The following CHL1 variants were observed in gnomAD, a reference collection of about 807,000 sequenced individuals.
CHL1 encodes the protein neural cell adhesion molecule L1-like protein.
CHL1 carries 96 observed loss-of-function variants against 141.9 expected under a neutral mutation model. That is an observed-to-expected ratio of 0.68 (90% CI 0.57 to 0.80). The LOEUF is 0.80. Ranked by LOEUF, CHL1 falls within the 30% of genes least tolerant of loss-of-function variation. The pLI is 0.00. For missense variants in CHL1, 1,820 were observed against 1,457.2 expected (o/e 1.25, Z -4.05); for synonymous variants, 613 against 502.2 (o/e 1.22, Z -2.95).
At chr3:210,547 T>C (rs1382566742) in intron 1 of CHL1, among the ~76,000 whole-genome samples, 1 of 152,232 alleles carries the variant, frequency 6.6e-6, no homozygotes, top group Non-Finnish European at 1.5e-5. Flanking sequence ...GAAATGTCAC[T>C]GGACTTTTCA....
At chr3:332,076 C>T (rs1213004254) in intron 5 of CHL1, among the ~76,000 whole-genome samples, 3 of 152,206 alleles carry the variant, frequency 2.0e-5, no homozygotes, top group Non-Finnish European at 1.5e-5. Context: ...CGTTCCCTAG[C>T]TCATGTGCAT....
intron 2 of CHL1, among the ~76,000 whole-genome samples, chr3:281,023 C>A (rs2125294579): frequency 6.6e-6 from 1 of 152,096 alleles, no homozygotes; most frequent in African/African-American, 2.4e-5. Context: ...TTATTTTTTT[C>A]CCCTAGGGGA....
intron 9 of CHL1, among the ~76,000 whole-genome samples, chr3:347,154 G>A (rs960590983): frequency 6.6e-6 from 1 of 152,190 alleles, no homozygotes; most frequent in African/African-American, 2.4e-5. Context: ...CATGTGCACT[G>A]CTCAAATAGT....
In CHL1 at chr3:380,219, G is replaced by C. The variant is rs577099262; in HGVS notation, c.1877-1960G>C. Among the ~76,000 whole-genome samples the C allele has an allele frequency of 2.9e-4, 44 of 152,228 alleles. 1 individual carries two copies. Among genetic ancestry groups the C allele is most frequent in the African/African-American group, 9.4e-4 (39 of 41,546 alleles). On this transcript the variant is annotated intron_variant, in intron 16 of 27. Transcript: ENST00000256509. ...GTTGAAGAATTAACTTTTTATTTATGGCTTTAATGTTTGGACACAGTCATG... is the reference window on the plus strand; with the variant it reads ...GTTGAAGAATTAACTTTTTATTTATCGCTTTAATGTTTGGACACAGTCATG...
At chr3:230,373 C>T (rs1055152834) in intron 1 of CHL1, among the ~76,000 whole-genome samples, 1 of 152,182 alleles carries the variant, frequency 6.6e-6, no homozygotes, top group Non-Finnish European at 1.5e-5. Flanking sequence ...CATCCACAGC[C>T]TGTTCACACA....
At chr3:364,496 A>G (rs1356919108) in intron 14 of CHL1, among the ~76,000 whole-genome samples, 2 of 152,226 alleles carry the variant, frequency 1.3e-5, no homozygotes, top group South Asian at 2.1e-4. Flanking sequence ...CTATTGCCCA[A>G]TACAGTGCTT....
intron 9 of CHL1, among the ~76,000 whole-genome samples, chr3:348,751 C>G (rs117216265): frequency 6.6e-6 from 1 of 152,198 alleles, no homozygotes; most frequent in Non-Finnish European, 1.5e-5. Context: ...CTCTGCTTCC[C>G]GACAAGGGCG....
At chr3:338,881 A>C (rs1702144319) in intron 5 of CHL1, among the ~76,000 whole-genome samples, 1 of 152,214 alleles carries the variant, frequency 6.6e-6, no homozygotes, top group African/African-American at 2.4e-5. Context: ...TGGCAGTACT[A>C]TCTGTTCGAA....
intron 9 of CHL1, among the ~76,000 whole-genome samples, chr3:345,579 G>T (rs757414381): frequency 6.6e-6 from 1 of 152,018 alleles, no homozygotes; most frequent in Non-Finnish European, 1.5e-5. Context: ...TGCCTCCTGG[G>T]TTCAAGCGAT....
intron 2 of CHL1, among the ~76,000 whole-genome samples, chr3:269,409 G>T (rs908889278): frequency 1.3e-4 from 20 of 152,270 alleles, no homozygotes; most frequent in African/African-American, 3.9e-4. Flanking sequence ...TGCCAATGTT[G>T]GGCAGATAGG....
intron 10 of CHL1, among the ~76,000 whole-genome samples, chr3:350,272 T>A (rs985342198): frequency 6.6e-6 from 1 of 152,196 alleles, no homozygotes; most frequent in African/African-American, 2.4e-5. Context: ...ACCATTTAAA[T>A]GTGGAATGTA....
intron 27 of CHL1, among the ~76,000 whole-genome samples, chr3:402,050 A>G (rs766066458): frequency 6.6e-6 from 1 of 152,240 alleles, no homozygotes; most frequent in Non-Finnish European, 1.5e-5. Context: ...GCATATCTGT[A>G]TACCTACAGC....
At chr3:206,930 A>G (rs1021638026) in intron 1 of CHL1, among the ~76,000 whole-genome samples, 1 of 152,272 alleles carries the variant, frequency 6.6e-6, no homozygotes, top group African/African-American at 2.4e-5. Flanking sequence ...AGGTGTGAGT[A>G]TCTGCTATTC....
chr3:358,462 T>A (rs1703914864), intron 11 of CHL1, among the ~76,000 whole-genome samples: 1 of 152,152 alleles, frequency 6.6e-6, no homozygotes, highest in South Asian at 2.1e-4. Flanking sequence ...TGCAAGTCCC[T>A]TTTTTCCATG....
At chr3:277,263 T>C (rs935831187) in intron 2 of CHL1, among the ~76,000 whole-genome samples, 2 of 152,158 alleles carry the variant, frequency 1.3e-5, no homozygotes, top group Non-Finnish European at 2.9e-5. Context: ...GCTAAGATGT[T>C]CTCAGTGCTA....
intron 2 of CHL1, among the ~76,000 whole-genome samples, chr3:245,331 G>T (rs1313419611): frequency 2.0e-5 from 3 of 152,158 alleles, no homozygotes; most frequent in African/African-American, 4.8e-5. Flanking sequence ...AAGCTGTTTA[G>T]CTATTTTGAT....
intron 1 of CHL1, among the ~76,000 whole-genome samples, chr3:236,627 G>A (rs1029775056): frequency 1.3e-5 from 2 of 152,018 alleles, no homozygotes; most frequent in African/African-American, 4.8e-5. Context: ...TTTATTTCTG[G>A]AGGATTTCCT....
chr3:370,502 T>C (rs1319779184), intron 15 of CHL1, among the ~76,000 whole-genome samples: 2 of 151,054 alleles, frequency 1.3e-5, no homozygotes, highest in Non-Finnish European at 2.9e-5. Context: ...TCTTTATCAG[T>C]CTAGCTAGTC....
rs111597535 is a variant in CHL1, at chr3:250,708, T to A, written c.-95+6016T>A. The stretch of plus-strand genomic sequence containing the variant: ...TGCCAAAGTGGCATATTTTGGGGTG[T>A]CATATTCTGATCTCTTTCAGTTCCT... On this transcript the variant is annotated intron_variant, in intron 2 of 27. Coordinates refer to ENST00000256509, the MANE Select transcript of CHL1 (RefSeq NM_006614.4). Among the ~76,000 whole-genome samples, 871 of 152,248 alleles carry A rather than the reference T, an allele frequency of 5.7e-3. 9 individuals are homozygous for A. Among genetic ancestry groups the A allele is most frequent in the African/African-American group, 0.02 (832 of 41,550 alleles).
Sources: gnomAD v4.1 joint callset for allele counts (sites outside exome capture counted in the v4.1 genomes callset) on GRCh38, gnomAD v4.1.1 for gene constraint, MANE v1.5 for transcripts, NCBI Gene and HGNC (gene_info 2026-07-23, HGNC 2026-07-21) for gene names.